Variants in PARD3 observed in about 807,000 individuals in gnomAD.
PARD3 encodes the protein partitioning defective 3 homolog.
A neutral mutation model predicts 155.4 loss-of-function variants in PARD3; 75 were observed. That is an observed-to-expected ratio of 0.48 (90% CI 0.40 to 0.58). PARD3 has a LOEUF of 0.58. Among genes scored for constraint, PARD3 ranks in the 20% least tolerant of loss-of-function variants. PARD3 has a pLI of 0.00. For synonymous variants in PARD3, 576 were observed against 610.5 expected (o/e 0.94, Z 0.83); for missense variants, 1,642 against 1,721.7 (o/e 0.95, Z 0.82).
chr10:34,324,501 G>T (rs1170527127), intron 19 of PARD3, among the ~76,000 whole-genome samples: 1 of 152,160 alleles, frequency 6.6e-6, no homozygotes, highest in Non-Finnish European at 1.5e-5. Context: ...CATGGCACAG[G>T]CAAGGGTAAG....
intron 5 of PARD3, among the ~76,000 whole-genome samples, chr10:34,439,006 A>G (rs2076327866): frequency 6.6e-6 from 1 of 152,154 alleles, no homozygotes; most frequent in Non-Finnish European, 1.5e-5. Context: ...TCTAGAAGAG[A>G]GAGAGAAAAA....
intron 3 of PARD3, among the ~76,000 whole-genome samples, chr10:34,487,627 C>T (rs57697603): frequency 2.0e-4 from 31 of 151,460 alleles, no homozygotes; most frequent in African/African-American, 6.8e-4. Flanking sequence ...CTAGAAATCC[C>T]ATCCAGGTTT....
chr10:34,133,476 T>C (rs1430117530), intron 22 of PARD3, among the ~76,000 whole-genome samples: 1 of 152,224 alleles, frequency 6.6e-6, no homozygotes, highest in African/African-American at 2.4e-5. Context: ...GTCAGACTTC[T>C]TGAGGACAAG....
intron 24 of PARD3, among the ~76,000 whole-genome samples, chr10:34,119,191 CAGCACTGACTCTCGATCCTTTTATGG>C (rs1457872053): frequency 5.9e-5 from 9 of 152,202 alleles, no homozygotes; most frequent in African/African-American, 2.2e-4. Context: ...ACGGCGTATG[CAGCACTGACTCTCGATCCTTTTATGG>C]AGCTCTGGAT....
intron 1 of PARD3, among the ~76,000 whole-genome samples, chr10:34,696,769 C>T (rs971211796): frequency 1.3e-5 from 2 of 150,534 alleles, no homozygotes; most frequent in Admixed American, 6.7e-5. Context: ...TACTTATTAA[C>T]CCCCAATGCA....
At chr10:34,742,240 C>G (rs1245803118) in intron 1 of PARD3, among the ~76,000 whole-genome samples, 1 of 152,172 alleles carries the variant, frequency 6.6e-6, no homozygotes, top group Non-Finnish European at 1.5e-5. Context: ...TTTACAAGGA[C>G]AGGAACTGGG....
At chr10:34,482,421 T>A (rs1350049403) in intron 3 of PARD3, among the ~76,000 whole-genome samples, 1 of 152,172 alleles carries the variant, frequency 6.6e-6, no homozygotes, top group East Asian at 1.9e-4. Flanking sequence ...TCCTGCTGTC[T>A]CGGTCTCCCA....
At chr10:34,755,196 G>C (rs1220759013) in intron 1 of PARD3, among the ~76,000 whole-genome samples, 1 of 151,448 alleles carries the variant, frequency 6.6e-6, no homozygotes. Context: ...GAGGTCAGGA[G>C]CTCGAGACCA....
chr10:34,647,120 T>C (rs2092863803), intron 2 of PARD3, among the ~76,000 whole-genome samples: 3 of 152,230 alleles, frequency 2.0e-5, no homozygotes, highest in Admixed American at 2.0e-4. Flanking sequence ...TTTTTATACC[T>C]GGAACTTCAG....
rs2091763560 is a variant in PARD3 at position 34,622,824 on chromosome 10, TTTC to T, written c.222+73491_222+73493del. On this transcript the variant is annotated intron_variant, in intron 2 of 24. Coordinates refer to ENST00000374788, the MANE Select transcript of PARD3 (RefSeq NM_001184785.2). ...ACATTGCCTGAGTTGGTTTTCTTTT[TTTC>T]TTTTTTTTTTTTTTTTTTAGTACAC... Among the ~76,000 whole-genome samples, 8 of 150,602 alleles carry T rather than the reference TTTC, an allele frequency of 5.3e-5. No individual in the cohort carries two copies. The South Asian group carries it at 1.2e-3, about 23-fold the overall frequency.
At chr10:34,776,875 C>A (rs1365058061) in intron 1 of PARD3, among the ~76,000 whole-genome samples, 1 of 145,260 alleles carries the variant, frequency 6.9e-6, no homozygotes, top group African/African-American at 2.6e-5. Flanking sequence ...CTCACTCTGT[C>A]GCCCAGGCTG....
At chr10:34,573,222 G>A (rs1192551398) in intron 2 of PARD3, among the ~76,000 whole-genome samples, 1 of 151,824 alleles carries the variant, frequency 6.6e-6, no homozygotes, top group Non-Finnish European at 1.5e-5. Context: ...CAGGTGTGAT[G>A]GCACATGTCT....
At chr10:34,293,739 T>G (rs975702108) in intron 20 of PARD3, among the ~76,000 whole-genome samples, 2 of 152,236 alleles carry the variant, frequency 1.3e-5, no homozygotes, top group African/African-American at 4.8e-5. Flanking sequence ...AAAAATACTA[T>G]CACTGCTGCC....
At chr10:34,353,897 A>C (rs1838485304) in intron 14 of PARD3, among the ~76,000 whole-genome samples, 2 of 151,872 alleles carry the variant, frequency 1.3e-5, no homozygotes, top group Admixed American at 1.3e-4. Context: ...ATCATCCTTT[A>C]AGGGCTTTAA....
chr10:34,413,838 T>A (rs1017487390), intron 5 of PARD3, among the ~76,000 whole-genome samples: 4 of 152,160 alleles, frequency 2.6e-5, no homozygotes, highest in African/African-American at 9.7e-5. Context: ...ATTAGTAAAA[T>A]TCTACCCTAA....
At chr10:34,671,890 A>G (rs960721622) in intron 2 of PARD3, among the ~76,000 whole-genome samples, 11 of 152,178 alleles carry the variant, frequency 7.2e-5, no homozygotes, top group African/African-American at 2.4e-4. Context: ...ATCACAAAAA[A>G]CTGGGTTTAG....
intron 22 of PARD3, among the ~76,000 whole-genome samples, chr10:34,243,811 A>C (rs1953765635): frequency 6.6e-6 from 1 of 151,100 alleles, no homozygotes; most frequent in African/African-American, 2.4e-5. Context: ...CTCCATCTCA[A>C]ATATATATAT....
intron 15 of PARD3, 102 bp from the exon 16 acceptor site, chr10:34,341,918 C>T: frequency 1.5e-6 from 1 of 670,864 alleles, no homozygotes; most frequent in African/African-American, 1.8e-5. Context: ...TCTAATTTTC[C>T]ACATATCTGC....
intron 2 of PARD3, among the ~76,000 whole-genome samples, chr10:34,533,315 C>T (rs891172565): frequency 2.0e-5 from 3 of 151,970 alleles, no homozygotes; most frequent in Admixed American, 6.5e-5. Flanking sequence ...GAAGAACTAC[C>T]TACTGGGTAC....
Sources: gnomAD v4.1 joint callset for allele counts (sites outside exome capture counted in the v4.1 genomes callset) on GRCh38, gnomAD v4.1.1 for gene constraint, MANE v1.5 for transcripts, NCBI Gene and HGNC (gene_info 2026-07-23, HGNC 2026-07-21) for gene names.